Variants in ERBIN observed in about 807,000 individuals in gnomAD.
The protein encoded by ERBIN is erbb2 interacting protein, also known as densin-180-like protein.
Under a neutral mutation model 158.4 loss-of-function variants are expected in ERBIN, and 60 were observed. That is an observed-to-expected ratio of 0.38 (90% CI 0.31 to 0.47). The LOEUF (loss-of-function observed/expected upper bound fraction) is 0.47. Among genes scored for constraint, ERBIN ranks in the 20% least tolerant of loss-of-function variants. The pLI is 0.99. For synonymous variants in ERBIN, 594 were observed against 557.2 expected (o/e 1.07, Z -0.93); for missense variants, 1,610 against 1,648.0 (o/e 0.98, Z 0.40).
At chr5:65,930,543 C>A (rs1161864700) in intron 1 of ERBIN, among the ~76,000 whole-genome samples, 3 of 152,082 alleles carry the variant, frequency 2.0e-5, no homozygotes, top group Non-Finnish European at 4.4e-5. Flanking sequence ...CTCCTGACCT[C>A]GTGATCTGCC....
rs538789392 is a variant in ERBIN, at chr5:66,059,498, C to T, written c.3633+4547C>T. ...TCATGTGCAAACAGGGACAATTTGA[C>T]TTCCTCTTTTCCTAATTGAATACCC... On this transcript the variant is annotated intron_variant, in intron 21 of 25. Transcript: ENST00000284037. 1.2e-4 allele frequency among the ~76,000 whole-genome samples: 19 copies of T among 152,322 alleles called. No homozygotes were observed. In the South Asian group the frequency reaches 3.5e-3, roughly 28 times the overall value.
At chr5:65,948,902 T>G (rs1036364117) in intron 1 of ERBIN, among the ~76,000 whole-genome samples, 1 of 151,686 alleles carries the variant, frequency 6.6e-6, no homozygotes, top group Non-Finnish European at 1.5e-5. Flanking sequence ...TAGCTGTGAT[T>G]AGAGGCATTT....
intron 1 of ERBIN, among the ~76,000 whole-genome samples, chr5:65,963,415 G>T (rs566731619): frequency 6.9e-4 from 105 of 152,130 alleles, no homozygotes; most frequent in African/African-American, 2.5e-3. Flanking sequence ...GGCCAACACC[G>T]TGAAACCCCG....
intron 1 of ERBIN, among the ~76,000 whole-genome samples, chr5:65,929,114 G>A: frequency 6.6e-6 from 1 of 152,166 alleles, no homozygotes; most frequent in East Asian, 1.9e-4. Context: ...TGTATAAAAA[G>A]CTTACAGAGG....
chr5:65,977,361 G>C (rs1285162243), intron 1 of ERBIN, among the ~76,000 whole-genome samples: 2 of 151,652 alleles, frequency 1.3e-5, no homozygotes, highest in Admixed American at 6.6e-5. Flanking sequence ...CTTCCCAGAC[G>C]GGGTGGCTGC....
intron 1 of ERBIN, among the ~76,000 whole-genome samples, chr5:65,934,102 TAGC>T (rs1743782912): frequency 6.6e-6 from 1 of 152,168 alleles, no homozygotes; most frequent in Non-Finnish European, 1.5e-5. Context: ...TTCACCGTGT[TAGC>T]CAGGGTGGTC....
intron 9 of ERBIN, 147 bp downstream of exon 9, chr5:66,023,511 C>T (rs886681298): frequency 8.0e-6 from 4 of 501,952 alleles, no homozygotes; most frequent in Non-Finnish European, 1.4e-5. Context: ...TTTTCATGAG[C>T]ACATTCTTGA....
intron 1 of ERBIN, among the ~76,000 whole-genome samples, chr5:65,957,196 T>A (rs1479397991): frequency 6.9e-6 from 1 of 144,618 alleles, no homozygotes; most frequent in Non-Finnish European, 1.6e-5. Flanking sequence ...CAATGTAGGA[T>A]TTTTTTTTTA....
intron 7 of ERBIN, among the ~76,000 whole-genome samples, chr5:66,018,477 A>AT (rs1255618272): frequency 0.17 from 928 of 5,616 alleles, 300 homozygotes; most frequent in Non-Finnish European, 0.26. Context: ...TATATATTAT[A>AT]TATTATATAT....
intron 21 of ERBIN, among the ~76,000 whole-genome samples, chr5:66,062,176 C>T (rs1217184325): frequency 3.3e-5 from 5 of 152,202 alleles, no homozygotes; most frequent in Non-Finnish European, 7.3e-5. Context: ...CTTTCAGGTA[C>T]ACCAGTGAGA....
chr5:65,930,232 A>G (rs1743200903), intron 1 of ERBIN, among the ~76,000 whole-genome samples: 1 of 152,222 alleles, frequency 6.6e-6, no homozygotes. Context: ...TTATTAGCCC[A>G]TTTAATTCTG....
At chr5:66,009,001 A>T (rs1173886714) in intron 4 of ERBIN, among the ~76,000 whole-genome samples, 2 of 152,260 alleles carry the variant, frequency 1.3e-5, no homozygotes, top group Non-Finnish European at 2.9e-5. Flanking sequence ...GAATGACTTT[A>T]AAAAAATACA....
At chr5:65,979,319 T>C (rs985494455) in intron 1 of ERBIN, among the ~76,000 whole-genome samples, 2 of 151,998 alleles carry the variant, frequency 1.3e-5, no homozygotes, top group East Asian at 1.9e-4. Context: ...TCCCAACTAT[T>C]TGGGAGACTG....
Position 66,076,965 on chromosome 5 carries a change from C to CT in ERBIN, c.4131+27dup, listed in dbSNP as rs397883288. The CT allele has an allele frequency of 0.18, 228,686 of 1,237,142 alleles. 10,655 individuals carry two copies. Among genetic ancestry groups the CT allele is most frequent in the East Asian group, 0.42 (15,310 of 36,820 alleles). 76.6% of individuals were successfully genotyped at this position (1,237,142 alleles called of 1,614,324 possible). A position where few individuals can be genotyped will look rare whatever the true frequency, so the allele number is the denominator to read the frequency against. ...AATTATTCAGGTAATTAAAATAAAT[C>CT]TTTTTTTTTTTCATTTTATAACACT... is the stretch of plus-strand genomic sequence containing the variant. On this transcript the variant is annotated intron_variant, in intron 25 of 25. Transcript: ENST00000284037.
At chr5:66,024,527 G>A (rs946184281) in intron 10 of ERBIN, 77 bp downstream of exon 10, 14 of 1,396,402 alleles carry the variant, frequency 1.0e-5, no homozygotes, top group South Asian at 1.3e-5. Context: ...AATTTCACTT[G>A]TTATGAGGTA....
intron 1 of ERBIN, among the ~76,000 whole-genome samples, chr5:65,974,242 C>T (rs1339285995): frequency 6.6e-6 from 1 of 152,134 alleles, no homozygotes; most frequent in Non-Finnish European, 1.5e-5. Flanking sequence ...TGATGTGGAG[C>T]TTTGACATTT....
At chr5:66,035,718 G>T (rs754420310) in intron 14 of ERBIN, among the ~76,000 whole-genome samples, 27 of 152,120 alleles carry the variant, frequency 1.8e-4, no homozygotes, top group Non-Finnish European at 3.7e-4. Flanking sequence ...ATGTTAAAAT[G>T]ATATTTTGAA....
At chr5:65,974,293 T>A (rs1393702811) in intron 1 of ERBIN, among the ~76,000 whole-genome samples, 1 of 152,232 alleles carries the variant, frequency 6.6e-6, no homozygotes, top group Non-Finnish European at 1.5e-5. Context: ...TGAGAACCAT[T>A]GATGTTATGC....
chr5:66,061,537 A>C (rs1760341971), intron 21 of ERBIN, among the ~76,000 whole-genome samples: 1 of 152,178 alleles, frequency 6.6e-6, no homozygotes, highest in African/African-American at 2.4e-5. Flanking sequence ...CATTTAGCCC[A>C]TTTACATTTA....
Sources: gnomAD v4.1 joint callset for allele counts (sites outside exome capture counted in the v4.1 genomes callset) on GRCh38, gnomAD v4.1.1 for gene constraint, MANE v1.5 for transcripts, NCBI Gene and HGNC (gene_info 2026-07-23, HGNC 2026-07-21) for gene names.